The following ILDR2 variants were observed in gnomAD, a reference collection of about 807,000 sequenced individuals.
ILDR2 encodes immunoglobulin-like domain-containing receptor 2.
Under a neutral mutation model 66.8 loss-of-function variants are expected in ILDR2, and 25 were observed. The ratio of observed to expected loss-of-function variants is 0.37; its 90% CI spans 0.27 to 0.52. The LOEUF is 0.52. ILDR2 is among the 20% of genes least tolerant of loss of function. ILDR2 has a pLI of 0.88. For missense variants in ILDR2, 827 were observed against 876.8 expected (o/e 0.94, Z 0.72); for synonymous variants, 367 against 357.2 (o/e 1.03, Z -0.31).
chr1:166,953,242 G>T (rs1443769877), intron 3 of ILDR2, among the ~76,000 whole-genome samples: 3 of 152,088 alleles, frequency 2.0e-5, no homozygotes, highest in Admixed American at 1.3e-4. Context: ...GCTAATAATT[G>T]TTCTGACCCT....
chr1:166,964,139 TAA>T (rs71073632), intron 1 of ILDR2, among the ~76,000 whole-genome samples: 57 of 142,084 alleles, frequency 4.0e-4, no homozygotes, highest in African/African-American at 8.0e-4. Context: ...AATCTAAAAA[TAA>T]AAAAAAAAAA....
chr1:166,939,385 C>T lies in ILDR2; in HGVS notation c.556+129G>A, dbSNP rs1661177807. On this transcript the variant is annotated intron_variant, in intron 4 of 9. Coordinates refer to ENST00000271417, the MANE Select transcript of ILDR2 (RefSeq NM_199351.3). Reference sequence around the variant, plus strand: ...AGCCCTTCCAATGGGTTTAGTTAATCCTGGAAAAGATCAGAGACATATAGA... The same window carrying T: ...AGCCCTTCCAATGGGTTTAGTTAATTCTGGAAAAGATCAGAGACATATAGA... 6 of 747,652 alleles carry T rather than the reference C, an allele frequency of 8.0e-6. No individual in the cohort carries two copies. In the South Asian group the frequency reaches 9.6e-5, roughly 12 times the overall value. 46.3% of individuals were successfully genotyped at this position (747,652 alleles called of 1,614,324 possible).
intron 3 of ILDR2, among the ~76,000 whole-genome samples, chr1:166,953,023 G>A (rs1662074291): frequency 6.6e-6 from 1 of 152,206 alleles, no homozygotes; most frequent in African/African-American, 2.4e-5. Flanking sequence ...AGTGCTAGAT[G>A]TAGTAATGGC....
chr1:166,957,039 C>T (rs1662320800), intron 2 of ILDR2, among the ~76,000 whole-genome samples, 187 bp from the exon 3 acceptor site: 1 of 152,188 alleles, frequency 6.6e-6, no homozygotes, highest in African/African-American at 2.4e-5. Flanking sequence ...AGAACCATAA[C>T]AGAAACTAGC....
At position 166,913,304 on chromosome 1, in the gene ILDR2, A is replaced by T. The variant is rs903512251; in HGVS notation, c.*6051T>A. 3 of 152,154 alleles carry T rather than the reference A, an allele frequency of 2.0e-5. No individual in the cohort carries two copies. The highest frequency in any genetic ancestry group is 7.2e-5 in the African/African-American group (3 of 41,432). The allele number at this position is 152,154 out of a possible 1,614,324, so 9.4% of individuals were successfully genotyped here. ...AGTCATGGACAACAGTAATACAAAC[A>T]TTTCAGTTTTGATGTCACAAGGCAC... On this transcript the variant is annotated 3_prime_UTR_variant, in exon 10 of 10. Coordinates refer to ENST00000271417, the MANE Select transcript of ILDR2 (RefSeq NM_199351.3).
intron 3 of ILDR2, among the ~76,000 whole-genome samples, chr1:166,942,796 CTA>C (rs1166976949): frequency 6.6e-6 from 1 of 152,226 alleles, no homozygotes. Context: ...CACGAAATTG[CTA>C]GCCCTTCTTA....
rs1218496843 is a variant in ILDR2 at position 166,912,130 on chromosome 1, G to A, written c.*7225C>T. ...CAAAAAAATCTTTAGAACAGTCAGA[G>A]AGACCAGACAGATTAGGAAGGATAA... On this transcript the variant is annotated 3_prime_UTR_variant, in exon 10 of 10. Coordinates refer to ENST00000271417, the MANE Select transcript of ILDR2 (RefSeq NM_199351.3). The A allele has an allele frequency of 6.6e-6, 1 of 152,156 alleles. No homozygotes were observed. Among genetic ancestry groups the A allele is most frequent in the African/African-American group, 2.4e-5 (1 of 41,458 alleles). The allele number at this position is 152,156 out of a possible 1,614,324, so 9.4% of individuals were successfully genotyped here.
intron 1 of ILDR2, among the ~76,000 whole-genome samples, chr1:166,962,524 CCT>C (rs1292112290): frequency 3.9e-5 from 6 of 152,222 alleles, no homozygotes; most frequent in Admixed American, 2.0e-4. Flanking sequence ...TCAAAAAATA[CCT>C]CTCATGGGAC....
Position 166,928,582 on chromosome 1 carries a change from A to C in ILDR2, c.881-1402T>G, listed in dbSNP as rs1660445428. On this transcript the variant is annotated intron_variant, in intron 6 of 9. Transcript: ENST00000271417. ...GGGGCAAACACCATAAAGAAACCATATGACTGCATGTAAATTCAGAGAAAA... is the reference window on the plus strand; with the variant it reads ...GGGGCAAACACCATAAAGAAACCATCTGACTGCATGTAAATTCAGAGAAAA... Among the ~76,000 whole-genome samples, 3 of 152,216 alleles carry C rather than the reference A, an allele frequency of 2.0e-5. No homozygotes were observed. The South Asian group carries it at 6.2e-4, about 32-fold the overall frequency.
At chr1:166,899,412 G>T (rs866484309) in intron 2 of ILDR2, among the ~76,000 whole-genome samples, 40 of 151,162 alleles carry the variant, frequency 2.6e-4, no homozygotes, top group South Asian at 1.0e-3. Flanking sequence ...AAAAAGAAAA[G>T]AAAAGAAAAA....
At position 166,917,028 on chromosome 1, in the gene ILDR2, A is replaced by T. The variant is rs1438196114; in HGVS notation, c.*2327T>A. 2 of 152,286 alleles carry T rather than the reference A, an allele frequency of 1.3e-5. No homozygotes were observed. Among genetic ancestry groups the T allele is most frequent in the Admixed American group, 1.3e-4 (2 of 15,288 alleles). 9.4% of individuals were successfully genotyped at this position (152,286 alleles called of 1,614,324 possible). On this transcript the variant is annotated 3_prime_UTR_variant, in exon 10 of 10. Coordinates refer to ENST00000271417, the MANE Select transcript of ILDR2 (RefSeq NM_199351.3). The stretch of plus-strand genomic sequence containing the variant: ...TCTCCAAAATTGCCTGAGCAAGTTG[A>T]AATCCAAAGCTGGTGACTAAGAAAT...
At chr1:166,972,965 T>C (rs779026403) in intron 1 of ILDR2, among the ~76,000 whole-genome samples, 2 of 152,096 alleles carry the variant, frequency 1.3e-5, no homozygotes, top group Non-Finnish European at 2.9e-5. Context: ...TCTGCTTCTG[T>C]CTCCTCCCTC....
intron 2 of ILDR2, 117 bp downstream of exon 2, chr1:166,957,652 A>T (rs1480263171): frequency 9.5e-6 from 8 of 840,914 alleles, no homozygotes; most frequent in Middle Eastern, 3.6e-4. Flanking sequence ...ATAAAATAAA[A>T]GTCTTGAGGG....
At chr1:166,953,329 A>T (rs989685083) in intron 3 of ILDR2, among the ~76,000 whole-genome samples, 1 of 152,198 alleles carries the variant, frequency 6.6e-6, no homozygotes, top group African/African-American at 2.4e-5. Context: ...CAAACTTCTT[A>T]GTCTTGCATA....
intron 1 of ILDR2, among the ~76,000 whole-genome samples, chr1:166,959,994 T>G (rs2101990206): frequency 6.6e-6 from 1 of 152,324 alleles, no homozygotes; most frequent in East Asian, 1.9e-4. Flanking sequence ...AATGACATCC[T>G]GCAAAGCCAA....
At chr1:166,946,947 G>GA (rs1403362474) in intron 3 of ILDR2, among the ~76,000 whole-genome samples, 2 of 152,078 alleles carry the variant, frequency 1.3e-5, no homozygotes, top group Non-Finnish European at 2.9e-5. Flanking sequence ...GTTGCAACCG[G>GA]AAAAAATGAT....
At chr1:166,896,416 T>C (rs1659167023) in intron 2 of ILDR2, among the ~76,000 whole-genome samples, 1 of 152,150 alleles carries the variant, frequency 6.6e-6, no homozygotes, top group South Asian at 2.1e-4. Flanking sequence ...GTTTTCTTTG[T>C]ACTGTAGGCT....
At chr1:166,924,100 G>A (rs1205661970) in intron 7 of ILDR2, among the ~76,000 whole-genome samples, 1 of 152,104 alleles carries the variant, frequency 6.6e-6, no homozygotes, top group East Asian at 1.9e-4. Flanking sequence ...GTTTCACCAG[G>A]GGCAGAGCGT....
chr1:166,899,302 A>G (rs1214962959), intron 2 of ILDR2, among the ~76,000 whole-genome samples: 2 of 151,620 alleles, frequency 1.3e-5, no homozygotes, highest in Non-Finnish European at 2.9e-5. Flanking sequence ...CTGAGACAGG[A>G]GACTTGCTTG....
Sources: gnomAD v4.1 joint callset for allele counts (sites outside exome capture counted in the v4.1 genomes callset) on GRCh38, gnomAD v4.1.1 for gene constraint, MANE v1.5 for transcripts, NCBI Gene and HGNC (gene_info 2026-07-23, HGNC 2026-07-21) for gene names.